PHACTR2: variants seen among roughly 807,000 people sequenced by gnomAD.
The protein encoded by PHACTR2 is phosphatase and actin regulator 2.
In PHACTR2, 30 loss-of-function variants were observed where a neutral mutation model predicts 76.0. That is an observed-to-expected ratio of 0.39 (90% CI 0.30 to 0.54). The LOEUF is 0.54. PHACTR2 is among the 20% of genes least tolerant of loss of function. The probability of loss-of-function intolerance (pLI) is 0.61; values close to 1 mark genes in which losing one functional copy is unlikely to be tolerated. For synonymous variants in PHACTR2, 292 were observed against 292.5 expected (o/e 1.00, Z 0.02); for missense variants, 696 against 781.1 (o/e 0.89, Z 1.30).
At position 143,539,275 on chromosome 6, in the gene PHACTR2, A is replaced by G. The variant is rs951048748; in HGVS notation, c.217+2068A>G. Among the ~76,000 whole-genome samples, 3 of 152,206 alleles carry G rather than the reference A, an allele frequency of 2.0e-5. No homozygotes were observed. Among genetic ancestry groups the G allele is most frequent in the South Asian group, 2.1e-4 (1 of 4,832 alleles). On this transcript the variant is annotated intron_variant, in intron 1 of 11. Transcript: ENST00000367584. This position sits in a 1 kb window ranked among gnomAD's most constrained non-coding sequence, Gnocchi z 4.3. ...TGAAACCTTTCAGCTCAGTTGTCCC[A>G]TGTGCCGCAGGATGCTGGCACAGAT...
chr6:143,758,907 G>T (rs1341810491), intron 4 of PHACTR2, among the ~76,000 whole-genome samples: 1 of 152,088 alleles, frequency 6.6e-6, no homozygotes, highest in Non-Finnish European at 1.5e-5. Flanking sequence ...ATTAGGATAA[G>T]AAACAAAATA....
chr6:143,565,461 A>G (rs1453914369), intron 1 of PHACTR2, among the ~76,000 whole-genome samples: 1 of 152,140 alleles, frequency 6.6e-6, no homozygotes, highest in Non-Finnish European at 1.5e-5. Context: ...TACTAAAAAT[A>G]CAAAAAATTA....
intron 1 of PHACTR2, among the ~76,000 whole-genome samples, chr6:143,540,675 T>G (rs1176714683): frequency 2.6e-5 from 4 of 151,680 alleles, no homozygotes; most frequent in Non-Finnish European, 4.4e-5. Flanking sequence ...TTGAGGAATT[T>G]TTCACATAAG....
At chr6:143,634,785 G>A (rs201165354) in intron 1 of PHACTR2, among the ~76,000 whole-genome samples, 1 of 114,498 alleles carries the variant, frequency 8.7e-6, no homozygotes, top group Admixed American at 8.8e-5. Flanking sequence ...TTTGCTCACC[G>A]TCTATGGCTA....
intron 4 of PHACTR2, among the ~76,000 whole-genome samples, chr6:143,759,265 T>C (rs184785155): frequency 8.2e-4 from 125 of 152,348 alleles, no homozygotes; most frequent in African/African-American, 2.9e-3. Context: ...AATTTTAGCC[T>C]TTGTCTTTCC....
Position 143,780,260 on chromosome 6 carries a change from T to C in PHACTR2, c.1645+2877T>C, listed in dbSNP as rs1775395150. ...CTTTATGACATATCTATGCATCTGT[T>C]GATCCAGCTTTTTTTAATGCACTTT... is the stretch of plus-strand genomic sequence containing the variant. On this transcript the variant is annotated intron_variant, in intron 9 of 12. Transcript: ENST00000440869. The surrounding 1 kb of genome is among the most constrained non-coding windows in gnomAD (Gnocchi z 4.4). 6.6e-6 allele frequency among the ~76,000 whole-genome samples: 1 copy of C among 152,196 alleles called. No individual in the cohort carries two copies. The highest frequency in any genetic ancestry group is 2.4e-5 in the African/African-American group (1 of 41,448).
At chr6:143,544,268 G>GGGAGGGGGGAAAGAAGGAAGGAA (rs1562679286) in intron 1 of PHACTR2, among the ~76,000 whole-genome samples, 4 of 131,232 alleles carry the variant, frequency 3.0e-5, no homozygotes, top group African/African-American at 1.1e-4. Flanking sequence ...GAAGGAAGGC[G>GGGAGGGGGGAAAGAAGGAAGGAA]GGCAGGCTCC....
chr6:143,599,584 T>C lies in PHACTR2; in HGVS notation c.217+62377T>C, dbSNP rs1196084672. 6.6e-6 allele frequency among the ~76,000 whole-genome samples: 1 copy of C among 152,166 alleles called. No individual in the cohort carries two copies. The highest frequency in any genetic ancestry group is 2.4e-5 in the African/African-American group (1 of 41,428). ...AATGTCGTATTACTAAAGAAATGCT[T>C]ATTAATTTAAATTTAAGTCAAGCAG... On this transcript the variant is annotated intron_variant, in intron 1 of 11. Coordinates refer to the PHACTR2 transcript ENST00000367584. The surrounding 1 kb of genome is among the most constrained non-coding windows in gnomAD (Gnocchi z 4.6).
chr6:143,573,640 T>C (rs1775473486), intron 1 of PHACTR2, among the ~76,000 whole-genome samples: 1 of 152,170 alleles, frequency 6.6e-6, no homozygotes, highest in East Asian at 1.9e-4. Context: ...TTTCTGTTGA[T>C]AACAGATCTT....
Position 143,589,326 on chromosome 6 carries a change from T to C in PHACTR2, c.217+52119T>C, listed in dbSNP as rs1323684452. Among the ~76,000 whole-genome samples, 2 of 152,132 alleles carry C rather than the reference T, an allele frequency of 1.3e-5. No individual in the cohort carries two copies. Among genetic ancestry groups the C allele is most frequent in the African/African-American group, 2.4e-5 (1 of 41,432 alleles). On this transcript the variant is annotated intron_variant, in intron 1 of 11. Transcript: ENST00000367584. The surrounding 1 kb of genome is among the most constrained non-coding windows in gnomAD (Gnocchi z 4.4). The stretch of plus-strand genomic sequence containing the variant: ...CATGATAGTGAATGACTTCTCACGA[T>C]ATCTGGTTGTTTAAAAGTGTGGGGC...
rs530755930 is a variant in PHACTR2, at chr6:143,782,942, A to G, written c.1646-277A>G. Among the ~76,000 whole-genome samples, 3 of 152,102 alleles carry G rather than the reference A, an allele frequency of 2.0e-5. No homozygotes were observed. Among genetic ancestry groups the G allele is most frequent in the South Asian group, 2.1e-4 (1 of 4,820 alleles). On this transcript the variant is annotated intron_variant, in intron 9 of 12. Transcript: ENST00000440869. The surrounding 1 kb of genome is among the most constrained non-coding windows in gnomAD (Gnocchi z 4.6). ...CTCCTGTGGTTTTTTTAAGAATACA[A>G]CAAGACATCAGGAAGCAAAAACGTT...
At chr6:143,643,091 A>G (rs1776595961) in intron 1 of PHACTR2, among the ~76,000 whole-genome samples, 1 of 152,244 alleles carries the variant, frequency 6.6e-6, no homozygotes, top group Non-Finnish European at 1.5e-5. Context: ...TATACTAAAA[A>G]GATTTTATAG....
rs1776480942 is a variant in PHACTR2, at chr6:143,823,876, C to A, written c.*187C>A. ...GTGTGGCCCAGATGGCTCCAACAAG[C>A]AAAAGGAAGGATGCAGTGACTCTTG... On this transcript the variant is annotated 3_prime_UTR_variant, in exon 13 of 13. Transcript: ENST00000440869. This position sits in a 1 kb window ranked among gnomAD's most constrained non-coding sequence, Gnocchi z 5.7. The A allele has an allele frequency of 3.8e-6, 2 of 520,868 alleles. No individual in the cohort carries two copies. The highest frequency in any genetic ancestry group is 3.8e-5 in the African/African-American group (2 of 53,080). 32.3% of individuals were successfully genotyped at this position (520,868 alleles called of 1,614,324 possible). A position where few individuals can be genotyped will look rare whatever the true frequency, so the allele number is the denominator to read the frequency against.
chr6:143,635,322 G>A (rs1300156440), intron 1 of PHACTR2, among the ~76,000 whole-genome samples: 3 of 72,092 alleles, frequency 4.2e-5, no homozygotes, highest in African/African-American at 6.9e-5. Flanking sequence ...TAGGATGTGT[G>A]TGTGTGTGTG....
In PHACTR2 at chr6:143,761,694, C is replaced by T. The variant is rs570499203; in HGVS notation, c.694+1054C>T. On this transcript the variant is annotated intron_variant, in intron 5 of 12. Transcript: ENST00000440869. The surrounding 1 kb of genome is among the most constrained non-coding windows in gnomAD (Gnocchi z 5.2). ...GCTTGAACCCAGGAGGCAGAAGTTGCGGTGAGCTGAGATCGCGCCACTGCA... is the reference window on the plus strand; with the variant it reads ...GCTTGAACCCAGGAGGCAGAAGTTGTGGTGAGCTGAGATCGCGCCACTGCA... 2.0e-5 allele frequency among the ~76,000 whole-genome samples: 3 copies of T among 152,010 alleles called. No homozygotes were observed. The highest frequency in any genetic ancestry group is 1.9e-4 in the East Asian group (1 of 5,166).
At chr6:143,586,347 T>A (rs952813588) in intron 1 of PHACTR2, among the ~76,000 whole-genome samples, 3 of 152,254 alleles carry the variant, frequency 2.0e-5, no homozygotes, top group Non-Finnish European at 4.4e-5. Context: ...AAGTAACATT[T>A]ACAGAGTATC....
At chr6:143,586,651 C>A (rs1775632611) in intron 1 of PHACTR2, among the ~76,000 whole-genome samples, 2 of 152,186 alleles carry the variant, frequency 1.3e-5, no homozygotes, top group Admixed American at 1.3e-4. Flanking sequence ...GTTTTAATTG[C>A]ATGAAGATTA....
chr6:143,564,469 TATATC>T (rs1459195201), intron 1 of PHACTR2, among the ~76,000 whole-genome samples: 3 of 152,040 alleles, frequency 2.0e-5, no homozygotes, highest in East Asian at 1.9e-4. Context: ...AGTCTGCTGT[TATATC>T]ATATAAAACA....
At position 143,724,493 on chromosome 6, in the gene PHACTR2, C is replaced by T. The variant is rs369795023; in HGVS notation, c.214+12310C>T. ...TTCCAGACTAGAGCAAAGGATGATG[C>T]GACCCAACTTCTTTCACCTTCCCTT... On this transcript the variant is annotated intron_variant, in intron 2 of 12. Transcript: ENST00000440869. Among the ~76,000 whole-genome samples the T allele has an allele frequency of 3.9e-5, 6 of 152,028 alleles. No homozygotes were observed. The East Asian group carries it at 7.7e-4, about 20-fold the overall frequency.
Sources: allele counts gnomAD v4.1 joint callset (sites outside exome capture counted in the v4.1 genomes callset), GRCh38; gene constraint gnomAD v4.1.1; non-coding constraint Gnocchi (gnomAD v3.1); transcripts MANE v1.5; gene names NCBI Gene and HGNC (gene_info 2026-07-23, HGNC 2026-07-21).